Variants in FAM177B observed in about 807,000 individuals in gnomAD.
FAM177B encodes the protein protein FAM177B.
In FAM177B, 16 loss-of-function variants were observed where a neutral mutation model predicts 16.1. The ratio of observed to expected loss-of-function variants is 0.99; its 90% confidence interval spans 0.67 to 1.51. The LOEUF is 1.51. Among genes scored for constraint, FAM177B ranks in the 40% most tolerant of loss-of-function variants. The probability of loss-of-function intolerance (pLI) is 0.00; values close to 1 mark genes in which losing one functional copy is unlikely to be tolerated. For synonymous variants in FAM177B, 56 were observed against 59.9 expected, an observed-to-expected ratio of 0.93 and a Z score of 0.30; for missense variants, 178 against 183.7, an observed-to-expected ratio of 0.97 and a Z score of 0.18.
intron 2 of FAM177B, among the ~76,000 whole-genome samples, chr1:222,744,472 C>CAAA (rs763596466): frequency 2.4e-5 from 2 of 82,478 alleles, no homozygotes; most frequent in African/African-American, 3.8e-5. Flanking sequence ...AACTCCATCT[C>CAAA]AAAAAAAAAA....
In FAM177B at chr1:222,749,450, C is replaced by T. The variant is rs766579012; in HGVS notation, c.242-15C>T. 124 of 1,532,016 alleles carry T rather than the reference C, an allele frequency of 8.1e-5. No homozygotes were observed. In the East Asian group the frequency reaches 2.3e-3, roughly 28 times the overall value. The allele number at this position is 1,532,016 out of a possible 1,614,324, so 94.9% of individuals were successfully genotyped here. ...TAGTAATTCAGTTTACGCAAGTGCT[C>T]GTTCTTTCTTTTAGCATGTGAATTC... On this transcript the variant is annotated splice_polypyrimidine_tract_variant and intron_variant, in intron 4 of 5. Transcript: ENST00000445590.
intron 2 of FAM177B, among the ~76,000 whole-genome samples, chr1:222,741,784 T>TTTTC (rs202102506): frequency 1.4e-5 from 2 of 146,230 alleles, no homozygotes; most frequent in Admixed American, 1.4e-4. Flanking sequence ...CTTTCTTTCT[T>TTTTC]TTTCTTTCTT....
chr1:222,741,800 C>A (rs1658549606), intron 2 of FAM177B, among the ~76,000 whole-genome samples: 1 of 120,412 alleles, frequency 8.3e-6, no homozygotes, highest in African/African-American at 3.1e-5. Flanking sequence ...TTCTTTCTTT[C>A]TCTCTTTCTT....
In FAM177B at chr1:222,749,348, T is replaced by C. The variant is rs1050795521; in HGVS notation, c.242-117T>C. ...ATGTTTTGTCAGCCTTGAAGTTAAG[T>C]ATAGTAATAGACCACTATTACTATA... is the stretch of plus-strand genomic sequence containing the variant. On this transcript the variant is annotated intron_variant, in intron 4 of 5. Coordinates refer to ENST00000445590, the MANE Select transcript of FAM177B (RefSeq NM_001394345.1). 5.0e-6 allele frequency: 3 copies of C among 603,660 alleles called. No homozygotes were observed. The South Asian group carries it at 7.0e-5, about 14-fold the overall frequency. 37.4% of individuals were successfully genotyped at this position (603,660 alleles called of 1,614,324 possible).
At position 222,750,408 on chromosome 1, in the gene FAM177B, T is replaced by G; in HGVS notation, c.*350T>G. Reference sequence around the variant, plus strand: ...GACTGGGAGTTTTTGGCTGAAATCCTCTGTCATGGGACGAGGGTACAGTAA... The same window carrying G: ...GACTGGGAGTTTTTGGCTGAAATCCGCTGTCATGGGACGAGGGTACAGTAA... On this transcript the variant is annotated 3_prime_UTR_variant, in exon 6 of 6. Transcript: ENST00000445590. 9.6e-7 allele frequency: 1 copy of G among 1,041,658 alleles called. No homozygotes were observed. The highest frequency in any genetic ancestry group is 1.2e-6 in the Non-Finnish European group (1 of 867,438). The allele number at this position is 1,041,658 out of a possible 1,614,324, so 64.5% of individuals were successfully genotyped here.
At chr1:222,744,658 T>C (rs1658712565) in intron 2 of FAM177B, among the ~76,000 whole-genome samples, 1 of 152,166 alleles carries the variant, frequency 6.6e-6, no homozygotes, top group Non-Finnish European at 1.5e-5. Flanking sequence ...TTCATTACAA[T>C]TTTATAAGGT....
At position 222,750,022 on chromosome 1, in the gene FAM177B, C is replaced by T; in HGVS notation, c.441C>T (p.Thr147=). The T allele has an allele frequency of 9.9e-6, 16 of 1,613,920 alleles. No individual in the cohort carries two copies. The highest frequency in any genetic ancestry group is 1.4e-5 in the Non-Finnish European group (16 of 1,179,962). The change falls in exon 6 of 6, where the codon ACC becomes ACT. Residue 147 remains threonine (T), a synonymous_variant. Transcript: ENST00000445590. The part of the protein sequence containing the change: ...HLEAGVQEYG[T]IQQDVTEAIP... ...AGGCTGGGGTCCAAGAGTATGGAAC[C>T]ATACAACAGGATGTGACAGAGGCCA...
In FAM177B at chr1:222,746,545, T is replaced by C. The variant is rs1195750863; in HGVS notation, c.-1T>C. 5 of 1,591,586 alleles carry C rather than the reference T, an allele frequency of 3.1e-6. No homozygotes were observed. The highest frequency in any genetic ancestry group is 1.1e-5 in the South Asian group (1 of 89,002). On this transcript the variant is annotated 5_prime_UTR_variant, in exon 3 of 6. Coordinates refer to ENST00000445590, the MANE Select transcript of FAM177B (RefSeq NM_001394345.1). ...TAATTTTCTAGTTGTTTTGTTTCAT[T>C]ATGGAGATTGACGGTTTCCAGCAGT...
intron 2 of FAM177B, among the ~76,000 whole-genome samples, chr1:222,738,302 G>T (rs1658376993): frequency 6.6e-6 from 1 of 152,072 alleles, no homozygotes; most frequent in Non-Finnish European, 1.5e-5. Flanking sequence ...GAGCCCTGGG[G>T]TAATACAATA....
chr1:222,749,201 T>G, intron 4 of FAM177B: 1 of 424,948 alleles, frequency 2.4e-6, no homozygotes, highest in Non-Finnish European at 4.5e-6. Context: ...TAAAGTATAT[T>G]GAAAATCTCT....
intron 2 of FAM177B, among the ~76,000 whole-genome samples, chr1:222,739,164 A>C (rs1342979152): frequency 2.0e-5 from 3 of 152,212 alleles, no homozygotes; most frequent in Non-Finnish European, 4.4e-5. Context: ...GGACAGTCTT[A>C]AGAGGAGTAA....
At chr1:222,749,362 A>C in intron 4 of FAM177B, 103 bp from the exon 5 acceptor site, 1 of 643,276 alleles carries the variant, frequency 1.6e-6, no homozygotes, top group Non-Finnish European at 2.7e-6. Context: ...GTAATAGACC[A>C]CTATTACTAT....
At position 222,749,932 on chromosome 1, in the gene FAM177B, C is replaced by T. The variant is rs1429064883; in HGVS notation, c.351C>T (p.Asn117=). The T allele has an allele frequency of 1.9e-6, 3 of 1,613,996 alleles. No homozygotes were observed. Among genetic ancestry groups the T allele is most frequent in the Non-Finnish European group, 2.5e-6 (3 of 1,179,956 alleles). The change falls in exon 6 of 6, where the codon AAC becomes AAT. Residue 117 remains asparagine, a synonymous_variant. Coordinates refer to ENST00000445590, the MANE Select transcript of FAM177B (RefSeq NM_001394345.1). ...FYRIQNKKSD[N]KSERRGSKAQ... ...TCTCTCCAAAACAGAAAAGTGACAA[C>T]AAAAGTGAAAGGAGAGGATCAAAGG...
In FAM177B at chr1:222,749,476, CT is replaced by C; in HGVS notation, c.255del (p.Gly86ValfsTer19). The part of the protein sequence containing the change: ...ASTSFSTCEF[L>X]GGRFAVFFGL... ...GTTCTTTCTTTTAGCATGTGAATTCCTTGGTGGAAGATTTGCTGTCTTCTTT... is the reference window on the plus strand; with the variant it reads ...GTTCTTTCTTTTAGCATGTGAATTCCTGGTGGAAGATTTGCTGTCTTCTTT... On this transcript the variant is annotated frameshift_variant, in exon 5 of 6. Transcript: ENST00000445590. LOFTEE classifies it high-confidence loss of function. 6 of 1,604,548 alleles carry C rather than the reference CT, an allele frequency of 3.7e-6. No individual in the cohort carries two copies. Among genetic ancestry groups the C allele is most frequent in the Non-Finnish European group, 4.3e-6 (5 of 1,173,746 alleles).
intron 2 of FAM177B, among the ~76,000 whole-genome samples, chr1:222,738,852 C>T (rs1658403860): frequency 1.3e-5 from 2 of 152,140 alleles, no homozygotes; most frequent in Admixed American, 1.3e-4. Context: ...ATAGCATATT[C>T]TAAAATGCCC....
At position 222,749,590 on chromosome 1, in the gene FAM177B, G is replaced by T. The variant is rs780868721; in HGVS notation, c.339+28G>T. 8.4e-6 allele frequency: 11 copies of T among 1,311,466 alleles called. No individual in the cohort carries two copies. In the African/African-American group the frequency reaches 1.6e-4, roughly 19 times the overall value. 81.2% of individuals were successfully genotyped at this position (1,311,466 alleles called of 1,614,324 possible). On this transcript the variant is annotated intron_variant, in intron 5 of 5. Transcript: ENST00000445590. ...ATGTGACACTCTGATGGAAACAAGG[G>T]GCCTGAGATGGGAATATTGGTTGCT... is the stretch of plus-strand genomic sequence containing the variant.
At chr1:222,746,283 G>A (rs1351684962) in intron 2 of FAM177B, among the ~76,000 whole-genome samples, 8 of 152,120 alleles carry the variant, frequency 5.3e-5, no homozygotes, top group African/African-American at 1.7e-4. Flanking sequence ...GTGTTTTAAC[G>A]TTAACAAAAG....
chr1:222,738,216 T>C (rs1165178948), intron 2 of FAM177B, among the ~76,000 whole-genome samples, 195 bp downstream of exon 2: 2 of 152,090 alleles, frequency 1.3e-5, no homozygotes, highest in Admixed American at 6.6e-5. Flanking sequence ...CATCTGTGTG[T>C]GGATAGTATT....
At chr1:222,742,903 C>A (rs1658615973) in intron 2 of FAM177B, among the ~76,000 whole-genome samples, 2 of 151,868 alleles carry the variant, frequency 1.3e-5, no homozygotes, top group Non-Finnish European at 2.9e-5. Context: ...TAGTTTGGGG[C>A]AAAAGTAATT....
Sources: gnomAD v4.1 joint callset for allele counts (sites outside exome capture counted in the v4.1 genomes callset) on GRCh38, gnomAD v4.1.1 for gene constraint, MANE v1.5 for transcripts, NCBI Gene and HGNC (gene_info 2026-07-23, HGNC 2026-07-21) for gene names.